The following RAB33B variants were observed in gnomAD, a reference collection of about 807,000 sequenced individuals.
RAB33B encodes the protein RAB33B, member RAS oncogene family, also known as ras-related protein Rab-33B.
A neutral mutation model predicts 15.0 loss-of-function variants in RAB33B; 6 were observed. The observed-to-expected ratio is 0.40, with a 90% confidence interval of 0.22 to 0.79. RAB33B has a LOEUF of 0.79. Among genes scored for constraint, RAB33B ranks in the 30% least tolerant of loss-of-function variants. RAB33B has a pLI of 0.37. For synonymous variants in RAB33B, 117 were observed against 108.3 expected (o/e 1.08, Z -0.50); for missense variants, 257 against 296.4 (o/e 0.87, Z 0.98).
At chr4:139,462,221 CTT>C (rs1750187362) in intron 1 of RAB33B, among the ~76,000 whole-genome samples, 3 of 151,510 alleles carry the variant, frequency 2.0e-5, no homozygotes, top group South Asian at 4.2e-4. Flanking sequence ...GCCCGGCTAA[CTT>C]TTTGTATTTT....
At chr4:139,448,099 A>G in the RAB33B span, among the ~76,000 whole-genome samples, 2 of 152,204 alleles carry the variant, frequency 1.3e-5, no homozygotes, top group Non-Finnish European at 2.9e-5. Flanking sequence ...CATGGAATAC[A>G]GAGATCTATT....
At chr4:139,457,428 A>G (rs1750089855) in intron 1 of RAB33B, among the ~76,000 whole-genome samples, 2 of 152,362 alleles carry the variant, frequency 1.3e-5, no homozygotes, top group South Asian at 2.1e-4. Context: ...CAGACACACC[A>G]ACCCATTAAA....
intron 1 of RAB33B, among the ~76,000 whole-genome samples, chr4:139,462,343 G>A (rs1197185142): frequency 4.6e-5 from 7 of 151,980 alleles, no homozygotes; most frequent in African/African-American, 1.5e-4. Context: ...GTGAGCCACC[G>A]CGCCCGGCCA....
At position 139,454,153 on chromosome 4, in the gene RAB33B, T is replaced by A. The variant is rs1051104549; in HGVS notation, c.-43T>A. On this transcript the variant is annotated 5_prime_UTR_variant, in exon 1 of 2. Transcript: ENST00000305626. Reference sequence around the variant, plus strand: ...CGGTGGCGTAATCTCTCAGCCTTTCTGTGTCTCCTTTCCTCCGCCTCAGTT... The same window carrying A: ...CGGTGGCGTAATCTCTCAGCCTTTCAGTGTCTCCTTTCCTCCGCCTCAGTT... The A allele has an allele frequency of 6.4e-7, 1 of 1,571,944 alleles. No individual in the cohort carries two copies.
intron 1 of RAB33B, among the ~76,000 whole-genome samples, chr4:139,458,356 A>G (rs775857646): frequency 1.3e-5 from 2 of 152,288 alleles, no homozygotes; most frequent in African/African-American, 2.4e-5. Context: ...AACATGTCAC[A>G]GGGGTTTGGT....
At position 139,475,072 on chromosome 4, in the gene RAB33B, C is replaced by T. The variant is rs1388550325; in HGVS notation, c.*1946C>T. ...GATTATTCCATTTTAAGTATTAGAG[C>T]TCAAATTGGCTTTATTTGCATTTAG... On this transcript the variant is annotated 3_prime_UTR_variant, in exon 2 of 2. Transcript: ENST00000305626. 6.6e-6 allele frequency: 1 copy of T among 151,988 alleles called. No individual in the cohort carries two copies. Among genetic ancestry groups the T allele is most frequent in the Non-Finnish European group, 1.5e-5 (1 of 67,944 alleles). 9.4% of individuals were successfully genotyped at this position (151,988 alleles called of 1,614,324 possible).
chr4:139,442,110 C>T, the RAB33B span, among the ~76,000 whole-genome samples: 6 of 152,006 alleles, frequency 3.9e-5, no homozygotes, highest in Non-Finnish European at 7.4e-5. Flanking sequence ...AGATGAATTT[C>T]CTTTTATCTT....
chr4:139,468,579 A>G (rs1750335093), intron 1 of RAB33B, among the ~76,000 whole-genome samples: 1 of 152,210 alleles, frequency 6.6e-6, no homozygotes, highest in African/African-American at 2.4e-5. Context: ...TCTACTTAGA[A>G]TAAGAGTAGT....
At chr4:139,446,936 T>TG in the RAB33B span, among the ~76,000 whole-genome samples, 1 of 152,198 alleles carries the variant, frequency 6.6e-6, no homozygotes, top group East Asian at 1.9e-4. Flanking sequence ...TTGATGATAT[T>TG]GGACCTCTTT....
chr4:139,449,917 C>A (rs531283135), upstream of RAB33B: 31 of 152,324 alleles, frequency 2.0e-4, no homozygotes, highest in African/African-American at 7.2e-4. Context: ...CATCTGCCTA[C>A]AAGTGGGCAG....
At chr4:139,442,448 T>A in the RAB33B span, among the ~76,000 whole-genome samples, 1 of 152,274 alleles carries the variant, frequency 6.6e-6, no homozygotes, top group African/African-American at 2.4e-5. Flanking sequence ...AAAGTATTGA[T>A]CCTGTGTGTG....
the RAB33B span, among the ~76,000 whole-genome samples, chr4:139,444,809 A>G: frequency 8.5e-3 from 1,291 of 152,286 alleles, 19 homozygotes; most frequent in African/African-American, 0.03. Flanking sequence ...AGCTGGCAGA[A>G]CCCCCACATT....
At chr4:139,472,633 A>G in intron 1 of RAB33B, 53 bp from the exon 2 acceptor site, 4 of 1,234,334 alleles carry the variant, frequency 3.2e-6, no homozygotes, top group Non-Finnish European at 4.6e-6. Flanking sequence ...ATTTCTTGAT[A>G]TGTATAATTG....
chr4:139,452,902 T>C (rs1749957692), upstream of RAB33B: 1 of 152,218 alleles, frequency 6.6e-6, no homozygotes, highest in African/African-American at 2.4e-5. Flanking sequence ...ACTTTCCCAA[T>C]GGCATATTCA....
chr4:139,458,372 GATT>G (rs1331144831), intron 1 of RAB33B, among the ~76,000 whole-genome samples: 5 of 152,172 alleles, frequency 3.3e-5, no homozygotes, highest in Admixed American at 6.5e-5. Context: ...TTGGTGTACA[GATT>G]ATTTTGTCAC....
the RAB33B span, among the ~76,000 whole-genome samples, chr4:139,447,741 A>C: frequency 1.5e-5 from 2 of 131,790 alleles, no homozygotes; most frequent in African/African-American, 2.9e-5. Flanking sequence ...ATCTCGGCTC[A>C]CTGCAAGCTC....
the RAB33B span, among the ~76,000 whole-genome samples, chr4:139,440,876 G>T: frequency 6.6e-6 from 1 of 152,304 alleles, no homozygotes; most frequent in African/African-American, 2.4e-5. Context: ...CTCCCAAAGT[G>T]CTAGGATTAC....
intron 1 of RAB33B, among the ~76,000 whole-genome samples, chr4:139,465,676 T>C (rs1335927099): frequency 6.6e-6 from 1 of 152,040 alleles, no homozygotes; most frequent in Non-Finnish European, 1.5e-5. Flanking sequence ...TTAGTCAGTC[T>C]CATCTAAAAA....
intron 1 of RAB33B, among the ~76,000 whole-genome samples, chr4:139,457,348 T>C (rs1181341724): frequency 6.6e-6 from 1 of 152,248 alleles, no homozygotes; most frequent in Non-Finnish European, 1.5e-5. Context: ...CTAATCCTTA[T>C]GCTCCTTCCT....
Sources: gnomAD v4.1 joint callset for allele counts (sites outside exome capture counted in the v4.1 genomes callset) on GRCh38, gnomAD v4.1.1 for gene constraint, MANE v1.5 for transcripts, NCBI Gene and HGNC (gene_info 2026-07-23, HGNC 2026-07-21) for gene names.